UNC13C: variants seen among roughly 807,000 people sequenced by gnomAD.
UNC13C encodes unc-13 homolog C.
In UNC13C, 174 loss-of-function variants were observed where a neutral mutation model predicts 245.4. The observed-to-expected ratio is 0.71, with a 90% CI of 0.63 to 0.80. The LOEUF is 0.80. Ranked by LOEUF, UNC13C falls within the 30% of genes least tolerant of loss-of-function variation. UNC13C has a pLI of 0.00. For synonymous variants in UNC13C, 992 were observed against 895.1 expected (o/e 1.11, Z -1.93); for missense variants, 2,829 against 2,602.9 (o/e 1.09, Z -1.89).
intron 4 of UNC13C, among the ~76,000 whole-genome samples, chr15:54,183,314 G>C (rs2033861835): frequency 6.6e-6 from 1 of 151,150 alleles, no homozygotes; most frequent in Admixed American, 6.7e-5. Context: ...TTTGGAAAAT[G>C]CTGGCACAAT....
chr15:54,312,645 T>G (rs1381776085), intron 13 of UNC13C, among the ~76,000 whole-genome samples: 4 of 151,554 alleles, frequency 2.6e-5, no homozygotes, highest in Non-Finnish European at 4.4e-5. Flanking sequence ...ATCTTGGGAG[T>G]TTTATGCTCT....
intron 25 of UNC13C, among the ~76,000 whole-genome samples, chr15:54,531,437 T>C (rs1895729825): frequency 6.6e-6 from 1 of 152,200 alleles, no homozygotes; most frequent in Non-Finnish European, 1.5e-5. Context: ...TACATGGCCA[T>C]GTTTGTACTA....
chr15:54,589,150 T>C (rs1009138066), intron 30 of UNC13C, among the ~76,000 whole-genome samples: 1 of 152,114 alleles, frequency 6.6e-6, no homozygotes, highest in Non-Finnish European at 1.5e-5. Flanking sequence ...ACATCTACTG[T>C]TTTTTTATTT....
chr15:54,514,718 G>C (rs1292916884), intron 24 of UNC13C, among the ~76,000 whole-genome samples: 1 of 152,036 alleles, frequency 6.6e-6, no homozygotes, highest in Non-Finnish European at 1.5e-5. Flanking sequence ...CACAGAATCA[G>C]CCTCTTTTCC....
At chr15:54,059,973 G>A (rs1240825609) in intron 2 of UNC13C, among the ~76,000 whole-genome samples, 1 of 152,134 alleles carries the variant, frequency 6.6e-6, no homozygotes, top group Non-Finnish European at 1.5e-5. Context: ...AATTCAAGAT[G>A]GATTAAAGAC....
chr15:54,437,396 A>G (rs1376243920), intron 19 of UNC13C, among the ~76,000 whole-genome samples: 1 of 151,996 alleles, frequency 6.6e-6, no homozygotes, highest in African/African-American at 2.4e-5. Flanking sequence ...TAAAATTTAT[A>G]AAACTTGTAA....
intron 4 of UNC13C, among the ~76,000 whole-genome samples, chr15:54,174,532 T>C (rs759106117): frequency 9.2e-5 from 14 of 152,200 alleles, no homozygotes; most frequent in Non-Finnish European, 1.9e-4. Flanking sequence ...CACTGTATTC[T>C]CAACTATAAC....
chr15:54,317,592 A>G (rs2038041423), intron 13 of UNC13C, among the ~76,000 whole-genome samples: 1 of 151,862 alleles, frequency 6.6e-6, no homozygotes, highest in Non-Finnish European at 1.5e-5. Context: ...TTTACTTTCA[A>G]ATTTATTTAG....
intron 2 of UNC13C, among the ~76,000 whole-genome samples, chr15:54,114,732 T>C (rs2141181936): frequency 6.6e-6 from 1 of 152,304 alleles, no homozygotes; most frequent in South Asian, 2.1e-4. Context: ...GCAAAGAGAT[T>C]AGCAAGTTTA....
chr15:54,232,268 A>G (rs1051453858), intron 4 of UNC13C, among the ~76,000 whole-genome samples: 2 of 152,136 alleles, frequency 1.3e-5, no homozygotes, highest in Admixed American at 1.3e-4. Context: ...GCAATTTTCC[A>G]AATTATAAAA....
rs2039992434 is a variant in UNC13C at position 54,393,040 on chromosome 15, G to C, written c.4714-8G>C. The C allele has an allele frequency of 2.5e-6, 4 of 1,585,870 alleles. No individual in the cohort carries two copies. Among genetic ancestry groups the C allele is most frequent in the Non-Finnish European group, 3.4e-6 (4 of 1,169,732 alleles). On this transcript the variant is annotated splice_region_variant and splice_polypyrimidine_tract_variant and intron_variant, in intron 17 of 32. Coordinates refer to ENST00000260323, the MANE Select transcript of UNC13C (RefSeq NM_001080534.3). ...TTTCTTTTGCATGTTGCGTGAACTTGTGAGCAGAGTAAGAAACAGGATATT... is the reference window on the plus strand; with the variant it reads ...TTTCTTTTGCATGTTGCGTGAACTTCTGAGCAGAGTAAGAAACAGGATATT...
intron 30 of UNC13C, among the ~76,000 whole-genome samples, chr15:54,593,276 C>T (rs117768607): frequency 0.043 from 6,538 of 152,256 alleles, 243 homozygotes; most frequent in Admixed American, 0.12. Flanking sequence ...AACTTGATGG[C>T]CATGTGCCTA....
At chr15:54,182,548 T>A (rs1313660632) in intron 4 of UNC13C, among the ~76,000 whole-genome samples, 1 of 152,062 alleles carries the variant, frequency 6.6e-6, no homozygotes, top group Non-Finnish European at 1.5e-5. Context: ...AAGGAATCCG[T>A]CCTCCTCAGT....
In UNC13C at chr15:54,279,856, C is replaced by T. The variant is rs74358818; in HGVS notation, c.3819-14039C>T. The stretch of plus-strand genomic sequence containing the variant: ...GAAAAGTATTGCATGAATATTTATG[C>T]CTGTATTTTGTTTACTGTAGGATGG... On this transcript the variant is annotated intron_variant, in intron 10 of 32. Coordinates refer to ENST00000260323, the MANE Select transcript of UNC13C (RefSeq NM_001080534.3). Among the ~76,000 whole-genome samples the T allele has an allele frequency of 7.6e-4, 116 of 152,190 alleles. 5 individuals carry two copies. In the East Asian group the frequency reaches 0.02, roughly 26 times the overall value.
chr15:54,549,257 C>T (rs899733466), intron 27 of UNC13C, among the ~76,000 whole-genome samples: 19 of 152,068 alleles, frequency 1.2e-4, no homozygotes, highest in African/African-American at 4.6e-4. Context: ...TCTTTAGCCC[C>T]GTATCTTCAG....
chr15:54,370,276 A>G (rs920992441), intron 17 of UNC13C, among the ~76,000 whole-genome samples: 1 of 152,112 alleles, frequency 6.6e-6, no homozygotes, highest in African/African-American at 2.4e-5. Context: ...ATACTGAGAA[A>G]TAGTCATTTT....
At chr15:54,531,460 GT>G (rs1325480178) in intron 25 of UNC13C, among the ~76,000 whole-genome samples, 2 of 152,110 alleles carry the variant, frequency 1.3e-5, no homozygotes, top group African/African-American at 4.8e-5. Flanking sequence ...ACTATTCACT[GT>G]CTGAAATTCA....
chr15:54,283,253 A>C (rs2037046512), intron 10 of UNC13C, among the ~76,000 whole-genome samples: 1 of 152,150 alleles, frequency 6.6e-6, no homozygotes, highest in Non-Finnish European at 1.5e-5. Flanking sequence ...TTATATACAT[A>C]CCTTCAACAA....
At chr15:54,517,501 T>C in intron 24 of UNC13C, among the ~76,000 whole-genome samples, 1 of 152,136 alleles carries the variant, frequency 6.6e-6, no homozygotes, top group Non-Finnish European at 1.5e-5. Flanking sequence ...ATAATTAGAC[T>C]AGAGATGCCT....
Sources: allele counts gnomAD v4.1 joint callset (sites outside exome capture counted in the v4.1 genomes callset), GRCh38; gene constraint gnomAD v4.1.1; transcripts MANE v1.5; gene names NCBI Gene and HGNC (gene_info 2026-07-23, HGNC 2026-07-21).